The following DAB1 variants were observed in gnomAD, a reference collection of about 807,000 sequenced individuals.
DAB1 encodes the protein disabled homolog 1.
A neutral mutation model predicts 64.6 loss-of-function variants in DAB1; 15 were observed. The ratio of observed to expected loss-of-function variants is 0.23; its 90% CI spans 0.16 to 0.36. The LOEUF is 0.36. Ranked by LOEUF, DAB1 falls within the 10% of genes least tolerant of loss-of-function variation. The pLI, the probability that DAB1 is intolerant of heterozygous loss-of-function variation, is 1.00. For missense variants in DAB1, 596 were observed against 706.7 expected (o/e 0.84, Z 1.78); for synonymous variants, 235 against 251.9 (o/e 0.93, Z 0.64).
At chr1:57,535,616 C>G (rs1174684304) in intron 7 of DAB1, among the ~76,000 whole-genome samples, 2 of 152,060 alleles carry the variant, frequency 1.3e-5, no homozygotes, top group African/African-American at 4.8e-5. Context: ...GCACGCGCCA[C>G]CACGCCTGGC....
intron 2 of DAB1, among the ~76,000 whole-genome samples, chr1:57,262,967 G>C (rs146678176): frequency 2.1e-4 from 32 of 152,260 alleles, no homozygotes; most frequent in South Asian, 6.2e-4. Context: ...AAACATTAAG[G>C]GTGTGGTGGT....
At chr1:57,503,920 G>A (rs74074753) in intron 7 of DAB1, among the ~76,000 whole-genome samples, 8,887 of 152,182 alleles carry the variant, frequency 0.058, 290 homozygotes, top group South Asian at 0.094. Flanking sequence ...GGGTCTTATC[G>A]TAGCTGTCCA....
At chr1:57,603,124 C>T (rs1162038348) in intron 7 of DAB1, among the ~76,000 whole-genome samples, 1 of 152,142 alleles carries the variant, frequency 6.6e-6, no homozygotes, top group African/African-American at 2.4e-5. Context: ...AGGCATGCAC[C>T]ACCACGCCTG....
chr1:57,276,149 C>A (rs1024142406), intron 2 of DAB1, among the ~76,000 whole-genome samples: 1 of 152,190 alleles, frequency 6.6e-6, no homozygotes, highest in African/African-American at 2.4e-5. Flanking sequence ...TGTGTTTGCA[C>A]GCTTGTGTGC....
At chr1:57,979,824 C>T (rs937283264) in intron 5 of DAB1, among the ~76,000 whole-genome samples, 3 of 152,236 alleles carry the variant, frequency 2.0e-5, no homozygotes, top group Admixed American at 2.0e-4. Flanking sequence ...CATTTTGATT[C>T]CCCTAATTCC....
At chr1:57,822,275 T>C (rs1250373716), downstream of DAB1, among the ~76,000 whole-genome samples, 2 of 152,158 alleles carry the variant, frequency 1.3e-5, no homozygotes, top group African/African-American at 2.4e-5. Context: ...TAGTTGAGAT[T>C]CCAAGTAAGA....
At chr1:58,156,715 C>A (rs1034448613) in intron 4 of DAB1, among the ~76,000 whole-genome samples, 1 of 152,066 alleles carries the variant, frequency 6.6e-6, no homozygotes. Flanking sequence ...CAGAAGGGAA[C>A]AACATGTGCA....
At chr1:57,935,726 AAACAACAAC>A (rs142373036) in intron 5 of DAB1, among the ~76,000 whole-genome samples, 1 of 151,854 alleles carries the variant, frequency 6.6e-6, no homozygotes, top group African/African-American at 2.4e-5. Context: ...AAATAAAAAC[AAACAACAAC>A]AACAACAACA....
At chr1:57,498,636 T>C (rs1030955472) in intron 7 of DAB1, among the ~76,000 whole-genome samples, 2 of 152,174 alleles carry the variant, frequency 1.3e-5, no homozygotes, top group African/African-American at 4.8e-5. Context: ...TCAAGTGGAA[T>C]GATGCAATCA....
intron 3 of DAB1, among the ~76,000 whole-genome samples, chr1:58,490,930 C>T (rs546427901): frequency 5.4e-5 from 8 of 149,248 alleles, no homozygotes; most frequent in Non-Finnish European, 1.0e-4. Flanking sequence ...CTCAGCCTTC[C>T]GAGTAGCTGG....
intron 3 of DAB1, among the ~76,000 whole-genome samples, chr1:58,446,458 G>C (rs369580129): frequency 6.6e-6 from 1 of 152,140 alleles, no homozygotes; most frequent in Non-Finnish European, 1.5e-5. Flanking sequence ...CAGAACACTG[G>C]GTTAGACAAA....
intron 7 of DAB1, among the ~76,000 whole-genome samples, chr1:57,485,636 T>G (rs1458773010): frequency 6.6e-6 from 1 of 152,180 alleles, no homozygotes; most frequent in East Asian, 1.9e-4. Context: ...CAGCTGACTT[T>G]AGCACAACAT....
At chr1:57,439,285 C>T (rs1479831105) in intron 7 of DAB1, among the ~76,000 whole-genome samples, 1 of 152,040 alleles carries the variant, frequency 6.6e-6, no homozygotes, top group African/African-American at 2.4e-5. Flanking sequence ...TATCACATCA[C>T]CAAGTCATTG....
chr1:58,065,775 C>G (rs969274636), intron 5 of DAB1, among the ~76,000 whole-genome samples: 1 of 152,146 alleles, frequency 6.6e-6, no homozygotes, highest in Admixed American at 6.5e-5. Flanking sequence ...AGGGAGATGT[C>G]GAGCTGCAGT....
chr1:57,216,056 G>C (rs1334523278), intron 2 of DAB1, among the ~76,000 whole-genome samples: 1 of 152,098 alleles, frequency 6.6e-6, no homozygotes, highest in Non-Finnish European at 1.5e-5. Flanking sequence ...GATGTCTTTG[G>C]CTTGCTCTTT....
At chr1:57,868,510 C>T (rs1654399691) in intron 1 of DAB1, among the ~76,000 whole-genome samples, 1 of 152,168 alleles carries the variant, frequency 6.6e-6, no homozygotes, top group South Asian at 2.1e-4. Flanking sequence ...GTTGGAGTTA[C>T]TGACCTCTTA....
chr1:57,578,019 A>G (rs1023431225), intron 7 of DAB1, among the ~76,000 whole-genome samples: 2 of 152,174 alleles, frequency 1.3e-5, no homozygotes, highest in Non-Finnish European at 2.9e-5. Flanking sequence ...CTCCACTGCC[A>G]CCACCAGGCA....
At chr1:57,733,806 G>A (rs1647551423) in intron 6 of DAB1, among the ~76,000 whole-genome samples, 1 of 152,092 alleles carries the variant, frequency 6.6e-6, no homozygotes, top group Non-Finnish European at 1.5e-5. Context: ...TGGGGGAGAT[G>A]GCAGAGGGAA....
At chr1:58,514,753 A>T (rs934274859) in intron 2 of DAB1, among the ~76,000 whole-genome samples, 6 of 152,226 alleles carry the variant, frequency 3.9e-5, no homozygotes, top group African/African-American at 1.4e-4. Context: ...AACAGATATA[A>T]AAATGATCAT....
Sources: allele counts gnomAD v4.1 joint callset (sites outside exome capture counted in the v4.1 genomes callset), GRCh38; gene constraint gnomAD v4.1.1; transcripts MANE v1.5; gene names NCBI Gene and HGNC (gene_info 2026-07-23, HGNC 2026-07-21).